The following ITPR2 variants were observed in gnomAD, a reference collection of about 807,000 sequenced individuals.
The protein encoded by ITPR2 is inositol 1,4,5-trisphosphate-gated calcium channel ITPR2.
A neutral mutation model predicts 317.1 loss-of-function variants in ITPR2; 207 were observed. The observed-to-expected ratio is 0.65, with a 90% CI of 0.58 to 0.73. ITPR2 has a LOEUF of 0.73. Among genes scored for constraint, ITPR2 ranks in the 30% least tolerant of loss-of-function variants. The pLI, the probability that ITPR2 is intolerant of heterozygous loss-of-function variation, is 0.00. For missense variants in ITPR2, 2,613 were observed against 3,284.0 expected, an observed-to-expected ratio of 0.80 and a Z score of 4.99; for synonymous variants, 1,156 against 1,149.1, an observed-to-expected ratio of 1.01 and a Z score of -0.12.
At chr12:26,356,972 C>T (rs1938660379) in intron 55 of ITPR2, among the ~76,000 whole-genome samples, 1 of 152,130 alleles carries the variant, frequency 6.6e-6, no homozygotes, top group Non-Finnish European at 1.5e-5. Context: ...ACATGTAAAA[C>T]TTGTTTCTAA....
chr12:26,809,816 G>A (rs372386977), intron 1 of ITPR2, among the ~76,000 whole-genome samples: 1 of 151,920 alleles, frequency 6.6e-6, no homozygotes, highest in Non-Finnish European at 1.5e-5. Flanking sequence ...TATAAATAAC[G>A]AGCGTAGATT....
At chr12:26,815,869 G>A (rs1757322246) in intron 1 of ITPR2, among the ~76,000 whole-genome samples, 1 of 152,174 alleles carries the variant, frequency 6.6e-6, no homozygotes, top group African/African-American at 2.4e-5. Context: ...TGAGGCAGGT[G>A]GATCACGAGG....
At chr12:26,724,407 T>C (rs997050665) in intron 4 of ITPR2, among the ~76,000 whole-genome samples, 2 of 152,218 alleles carry the variant, frequency 1.3e-5, no homozygotes, top group African/African-American at 4.8e-5. Context: ...CTCTTCTTTT[T>C]GATGTAATAA....
At chr12:26,643,821 T>C (rs890039709) in intron 21 of ITPR2, among the ~76,000 whole-genome samples, 4 of 151,974 alleles carry the variant, frequency 2.6e-5, no homozygotes, top group Admixed American at 6.6e-5. Flanking sequence ...CAGTAAAATA[T>C]GAGAAAAGAG....
Position 26,833,178 on chromosome 12 carries a change from C to A in ITPR2, c.-397G>T, listed in dbSNP as rs1157505355. 4.7e-6 allele frequency: 1 copy of A among 211,800 alleles called. No individual in the cohort carries two copies. The highest frequency in any genetic ancestry group is 2.4e-5 in the African/African-American group (1 of 41,920). 13.1% of individuals were successfully genotyped at this position (211,800 alleles called of 1,614,324 possible). On this transcript the variant is annotated 5_prime_UTR_variant, in exon 1 of 57. Coordinates refer to ENST00000381340, the MANE Select transcript of ITPR2 (RefSeq NM_002223.4). Reference sequence around the variant, plus strand: ...CTGCGACCCGCTGCGGCCGTCACAGCCGCCCGGCGGGAGCTGGAAGTGGCC... The same window carrying A: ...CTGCGACCCGCTGCGGCCGTCACAGACGCCCGGCGGGAGCTGGAAGTGGCC...
At chr12:26,606,631 T>C (rs1946134561) in intron 26 of ITPR2, among the ~76,000 whole-genome samples, 1 of 151,474 alleles carries the variant, frequency 6.6e-6, no homozygotes, top group Non-Finnish European at 1.5e-5. Flanking sequence ...AACTATAGGG[T>C]AAACTAAATT....
Position 26,512,135 on chromosome 12 carries a change from C to T in ITPR2, c.5074-16875G>A, listed in dbSNP as rs142702498. On this transcript the variant is annotated intron_variant, in intron 37 of 56. Transcript: ENST00000381340. ...GGGAAAATCAAGCTGGGAACTGTGT[C>T]AGGCAAACCTGCCTCCCATTTTATT... is the stretch of plus-strand genomic sequence containing the variant. Among the ~76,000 whole-genome samples, 1,194 of 150,810 alleles carry T rather than the reference C, an allele frequency of 7.9e-3. 13 individuals carry two copies. Among genetic ancestry groups the T allele is most frequent in the African/African-American group, 0.028 (1,135 of 40,926 alleles).
At chr12:26,368,763 T>C (rs549894110) in intron 55 of ITPR2, among the ~76,000 whole-genome samples, 25 of 152,312 alleles carry the variant, frequency 1.6e-4, no homozygotes, top group African/African-American at 5.8e-4. Flanking sequence ...GCCCACTATG[T>C]GCCAGCCACT....
At chr12:26,574,129 CAA>C (rs1202918666) in intron 34 of ITPR2, among the ~76,000 whole-genome samples, 2 of 151,122 alleles carry the variant, frequency 1.3e-5, no homozygotes, top group Non-Finnish European at 2.9e-5. Context: ...GTACTAACTG[CAA>C]AAGAGTTACT....
intron 55 of ITPR2, among the ~76,000 whole-genome samples, chr12:26,344,883 T>G (rs1938252826): frequency 6.6e-6 from 1 of 152,206 alleles, no homozygotes; most frequent in Non-Finnish European, 1.5e-5. Context: ...TGTCATCTTT[T>G]CTCTTCGTTC....
chr12:26,378,332 C>A (rs901673302), intron 55 of ITPR2, among the ~76,000 whole-genome samples: 1 of 151,918 alleles, frequency 6.6e-6, no homozygotes, highest in African/African-American at 2.4e-5. Flanking sequence ...TGACCACAAG[C>A]AGAAGGCACA....
rs915803857 is a variant in ITPR2, at chr12:26,830,716, C to A, written c.92+1974G>T. Reference sequence around the variant, plus strand: ...CTGAATTAGACACTAAAAAAAAGTTCTTTTCTTTGTCTAGGTTTTATACTC... The same window carrying A: ...CTGAATTAGACACTAAAAAAAAGTTATTTTCTTTGTCTAGGTTTTATACTC... On this transcript the variant is annotated intron_variant, in intron 1 of 56. Transcript: ENST00000381340. Among the ~76,000 whole-genome samples the A allele has an allele frequency of 8.5e-5, 13 of 152,260 alleles. No individual in the cohort carries two copies. The South Asian group carries it at 1.0e-3, about 12-fold the overall frequency.
chr12:26,368,674 A>G (rs774095065), intron 55 of ITPR2, among the ~76,000 whole-genome samples: 7 of 152,218 alleles, frequency 4.6e-5, no homozygotes, highest in Non-Finnish European at 7.3e-5. Flanking sequence ...CTAAGTCACT[A>G]AAGATATATC....
At chr12:26,372,417 T>C (rs1009954721) in intron 55 of ITPR2, among the ~76,000 whole-genome samples, 6 of 152,216 alleles carry the variant, frequency 3.9e-5, no homozygotes, top group African/African-American at 1.4e-4. Flanking sequence ...GCAAAAACAT[T>C]AAATTGTTTA....
Position 26,716,228 on chromosome 12 carries a change from A to G in ITPR2, c.540T>C (p.Asp180=), listed in dbSNP as rs371111964. ...CATTCACAGGCATCAAAACAACTTT[A>G]TCTCCTACAACAATCTAGGAAGCAG... is the stretch of plus-strand genomic sequence containing the variant. ...RSEGDNIVVG[D]KVVLMPVNAG... The change falls in exon 6 of 57, where the codon GAT becomes GAC. Residue 180 remains aspartate (D), a synonymous_variant. Transcript: ENST00000381340. 3.3e-5 allele frequency: 53 copies of G among 1,609,974 alleles called. No individual in the cohort carries two copies. The African/African-American group carries it at 5.1e-4, about 15-fold the overall frequency.
At position 26,475,416 on chromosome 12, in the gene ITPR2, C is replaced by A; in HGVS notation, c.6222G>T (p.Val2074=). 1 of 1,604,310 alleles carries A rather than the reference C, an allele frequency of 6.2e-7. No homozygotes were observed. The highest frequency in any genetic ancestry group is 1.3e-5 in the African/African-American group (1 of 74,080). The change falls in exon 45 of 57, where the codon GTG becomes GTT. Residue 2074 remains valine, a splice_region_variant and synonymous_variant. Coordinates refer to ENST00000381340, the MANE Select transcript of ITPR2 (RefSeq NM_002223.4). ...ILFNMRPREL[V]DVMKNAYNQG... ...GGTTATAGGCATTCTTCATCACATC[C>A]ACCTATCCAAAAAAAAAAAGAATAT...
At chr12:26,705,198 T>C (rs1330416708) in intron 9 of ITPR2, among the ~76,000 whole-genome samples, 1 of 152,174 alleles carries the variant, frequency 6.6e-6, no homozygotes, top group Non-Finnish European at 1.5e-5. Context: ...GAAAACTCAG[T>C]CTGCACCCAC....
At chr12:26,389,079 G>T (rs548643634) in intron 54 of ITPR2, among the ~76,000 whole-genome samples, 2 of 152,202 alleles carry the variant, frequency 1.3e-5, no homozygotes, top group South Asian at 4.2e-4. Context: ...CTACACTCTG[G>T]TCTGGGCCAT....
chr12:26,420,409 A>G (rs535396360), intron 49 of ITPR2, among the ~76,000 whole-genome samples: 2 of 152,322 alleles, frequency 1.3e-5, no homozygotes, highest in Admixed American at 1.3e-4. Flanking sequence ...TTTAAATAAC[A>G]TAAGAAGGAC....
Sources: allele counts gnomAD v4.1 joint callset (sites outside exome capture counted in the v4.1 genomes callset), GRCh38; gene constraint gnomAD v4.1.1; transcripts MANE v1.5; gene names NCBI Gene and HGNC (gene_info 2026-07-23, HGNC 2026-07-21).